The following SPTBN4 variants were observed in gnomAD, a reference collection of about 807,000 sequenced individuals.
The protein encoded by SPTBN4 is spectrin beta chain, non-erythrocytic 4.
Under a neutral mutation model 277.8 loss-of-function variants are expected in SPTBN4, and 96 were observed. That is an observed-to-expected ratio of 0.35 (90% CI 0.29 to 0.41). The LOEUF (loss-of-function observed/expected upper bound fraction) is 0.41, where lower values mean the gene tolerates loss of function less well. Among genes scored for constraint, SPTBN4 ranks in the 10% least tolerant of loss-of-function variants. The pLI is 1.00. For synonymous variants in SPTBN4, 1,481 were observed against 1,580.3 expected (o/e 0.94, Z 1.49); for missense variants, 3,006 against 3,595.7 (o/e 0.84, Z 4.19).
intron 18 of SPTBN4, among the ~76,000 whole-genome samples, chr19:40,529,934 C>T (rs2080643082): frequency 6.6e-6 from 1 of 152,142 alleles, no homozygotes; most frequent in Non-Finnish European, 1.5e-5. Flanking sequence ...CGATTCGACC[C>T]TCCCCCCTAT....
Position 40,554,924 on chromosome 19 carries a change from A to T in SPTBN4, c.5084+278A>T. The T allele has an allele frequency of 2.5e-6, 1 of 406,864 alleles. No individual in the cohort carries two copies. Among genetic ancestry groups the T allele is most frequent in the South Asian group, 2.5e-5 (1 of 39,606 alleles). The allele number at this position is 406,864 out of a possible 1,614,324, so 25.2% of individuals were successfully genotyped here. On this transcript the variant is annotated intron_variant, in intron 24 of 35. Transcript: ENST00000598249. This position sits in a 1 kb window ranked among gnomAD's most constrained non-coding sequence, Gnocchi z 5.7. The stretch of plus-strand genomic sequence containing the variant: ...GGCGATGTCTAGGACTGGGGTAGAG[A>T]AGAATTTACTCAGGACAGGCAAGGG...
chr19:40,573,523 T>A (rs2081173401), intron 35 of SPTBN4, among the ~76,000 whole-genome samples: 1 of 152,176 alleles, frequency 6.6e-6, no homozygotes, highest in South Asian at 2.1e-4. Context: ...TAGGGGGGAT[T>A]ACAGTGATGT....
intron 2 of SPTBN4, among the ~76,000 whole-genome samples, chr19:40,474,088 A>G (rs1331222481): frequency 7.3e-6 from 1 of 137,338 alleles, no homozygotes; most frequent in Non-Finnish European, 1.5e-5. Flanking sequence ...TGAGGTGGAG[A>G]TTGCAGTGAG....
intron 30 of SPTBN4, 102 bp downstream of exon 30, chr19:40,566,461 T>C: frequency 8.8e-7 from 1 of 1,136,150 alleles, no homozygotes; most frequent in East Asian, 2.8e-5. Flanking sequence ...TGCTTGGTCC[T>C]GTGTTGTGTG....
At chr19:40,486,599 CTGTA>C (rs1033441646) in intron 2 of SPTBN4, among the ~76,000 whole-genome samples, 1 of 152,108 alleles carries the variant, frequency 6.6e-6, no homozygotes, top group African/African-American at 2.4e-5. Flanking sequence ...TCTCAAACTC[CTGTA>C]CTCCAGCAAT....
Position 40,502,153 on chromosome 19 carries a change from G to A in SPTBN4, c.923G>A (p.Gly308Glu). The change falls in exon 9 of 36, where the codon GGG (glycine) becomes GAG (glutamate). Residue 308 changes from glycine (G) to glutamate (E), a missense_variant. Physicochemically the swap from Gly to Glu is moderately conservative, Grantham distance 98. Transcript: ENST00000598249. The surrounding 1 kb of genome is among the most constrained non-coding windows in gnomAD (Gnocchi z 4.9). ...GKVLDQVLEV[G>E]KIIERYEELA... Reference sequence around the variant, plus strand: ...GTCTTGGACCAGGTATTGGAGGTGGGGAAGATCATAGAACGCTACGAGGAG... The same window carrying A: ...GTCTTGGACCAGGTATTGGAGGTGGAGAAGATCATAGAACGCTACGAGGAG... 6.2e-7 allele frequency: 1 copy of A among 1,613,916 alleles called. No individual in the cohort carries two copies. Among genetic ancestry groups the A allele is most frequent in the Non-Finnish European group, 8.5e-7 (1 of 1,179,910 alleles).
intron 35 of SPTBN4, among the ~76,000 whole-genome samples, chr19:40,573,512 C>A (rs1447475487): frequency 6.6e-6 from 1 of 152,134 alleles, no homozygotes; most frequent in East Asian, 1.9e-4. Flanking sequence ...CACTGGAGAG[C>A]TAGGGGGGAT....
rs971252349 is a variant in SPTBN4, at chr19:40,554,124, A to G, written c.4675-23A>G. 5.6e-6 allele frequency: 8 copies of G among 1,420,824 alleles called. No individual in the cohort carries two copies. In the African/African-American group the frequency reaches 1.1e-4, roughly 19 times the overall value. The allele number at this position is 1,420,824 out of a possible 1,614,324, so 88.0% of individuals were successfully genotyped here. On this transcript the variant is annotated intron_variant, in intron 22 of 35. Transcript: ENST00000598249. The surrounding 1 kb of genome is among the most constrained non-coding windows in gnomAD (Gnocchi z 5.7). Reference sequence around the variant, plus strand: ...CTCGGAACGCCCCCTCTCCACCCACATCCCCTTACCTCCTGCCCCCAGGGC... The same window carrying G: ...CTCGGAACGCCCCCTCTCCACCCACGTCCCCTTACCTCCTGCCCCCAGGGC...
chr19:40,550,103 T>A, intron 21 of SPTBN4, 135 bp from the exon 22 acceptor site: 1 of 608,480 alleles, frequency 1.6e-6, no homozygotes, highest in South Asian at 2.4e-5. Context: ...AAACAAAAAA[T>A]GGAGGAGGCT....
intron 1 of SPTBN4, among the ~76,000 whole-genome samples, chr19:40,468,491 C>T (rs1381955364): frequency 6.6e-6 from 1 of 152,188 alleles, no homozygotes; most frequent in African/African-American, 2.4e-5. Flanking sequence ...ATTCTCCTGC[C>T]TCAGCCTCCC....
chr19:40,502,176 G>A lies in SPTBN4; in HGVS notation c.946G>A (p.Glu316Lys), dbSNP rs978098748. The A allele has an allele frequency of 6.8e-6, 11 of 1,614,150 alleles. No individual in the cohort carries two copies. The highest frequency in any genetic ancestry group is 8.5e-6 in the Non-Finnish European group (10 of 1,180,032). Residue 316 changes from glutamate (E) to lysine (K), a missense_variant, in exon 9 of 36, where the codon GAG becomes AAG. Glu to Lys is a moderately conservative substitution (Grantham distance 56). This residue lies in a region of SPTBN4 where 1,759 missense variants were observed against 2,061.5 expected (regional missense o/e 0.85). Coordinates refer to ENST00000598249, the MANE Select transcript of SPTBN4 (RefSeq NM_020971.3). The surrounding 1 kb of genome is among the most constrained non-coding windows in gnomAD (Gnocchi z 4.9). Reference protein sequence around the residue: ...EVGKIIERYEELAAELLAWIH... With the variant: ...EVGKIIERYEKLAAELLAWIH... ...GGGGAAGATCATAGAACGCTACGAG[G>A]AGCTGGCGGCTGAGCTGCTGGCCTG...
intron 16 of SPTBN4, among the ~76,000 whole-genome samples, chr19:40,520,573 T>C (rs968484502): frequency 6.6e-6 from 1 of 152,090 alleles, no homozygotes; most frequent in African/African-American, 2.4e-5. Flanking sequence ...ATTATGGAGG[T>C]AGGTAACAGG....
At chr19:40,525,320 CTTT>C (rs34066431) in intron 17 of SPTBN4, among the ~76,000 whole-genome samples, 50 of 130,566 alleles carry the variant, frequency 3.8e-4, no homozygotes, top group South Asian at 5.0e-4. Context: ...CTTTGTTCCA[CTTT>C]TTTTTTTTTT....
At chr19:40,530,458 C>CG in intron 18 of SPTBN4, 1 of 970,102 alleles carries the variant, frequency 1.0e-6, no homozygotes, top group Middle Eastern at 5.3e-4. Flanking sequence ...GGCCGCCGCG[C>CG]GGGGGCGAGG....
chr19:40,493,939 C>G (rs1340635188), intron 5 of SPTBN4, among the ~76,000 whole-genome samples: 1 of 152,180 alleles, frequency 6.6e-6, no homozygotes, highest in Non-Finnish European at 1.5e-5. Flanking sequence ...TGGCCACCCT[C>G]TCCCGCTGTG....
intron 6 of SPTBN4, among the ~76,000 whole-genome samples, chr19:40,496,098 G>A (rs1165682145): frequency 6.6e-6 from 1 of 152,176 alleles, no homozygotes; most frequent in East Asian, 1.9e-4. Context: ...ACATTCAATA[G>A]TCAATGTATC....
chr19:40,501,890 GTC>G lies in SPTBN4; in HGVS notation c.785-29_785-28del, dbSNP rs75996882. The G allele has an allele frequency of 0.23, 373,702 of 1,597,846 alleles. 45,168 individuals are homozygous for G. The highest frequency in any genetic ancestry group is 0.28 in the African/African-American group (20,766 of 74,602). ...CAAGCACTCTGTCAAAGTGCCCACT[GTC>G]TTGTTTCCCCACTCCCTCTTGCTTC... is the stretch of plus-strand genomic sequence containing the variant. On this transcript the variant is annotated intron_variant, in intron 7 of 35. Coordinates refer to ENST00000598249, the MANE Select transcript of SPTBN4 (RefSeq NM_020971.3).
At chr19:40,537,304 C>G (rs966281338) in intron 20 of SPTBN4, among the ~76,000 whole-genome samples, 1 of 152,200 alleles carries the variant, frequency 6.6e-6, no homozygotes, top group African/African-American at 2.4e-5. Flanking sequence ...GCCATGGCAT[C>G]CAGACTGTAG....
At chr19:40,530,699 G>GGCGGC (rs1276651983) in intron 18 of SPTBN4, 25 of 456,678 alleles carry the variant, frequency 5.5e-5, no homozygotes, top group Non-Finnish European at 7.2e-5. Flanking sequence ...GGAGGGGCGG[G>GGCGGC]GCGGCGCGGG....
Sources: allele counts gnomAD v4.1 joint callset (sites outside exome capture counted in the v4.1 genomes callset), GRCh38; gene constraint gnomAD v4.1.1; regional missense constraint gnomAD v4.1.1; non-coding constraint Gnocchi (gnomAD v3.1); transcripts MANE v1.5; gene names NCBI Gene and HGNC (gene_info 2026-07-23, HGNC 2026-07-21).